AMACR: variants seen among roughly 807,000 people sequenced by gnomAD.
AMACR encodes 2-methylacyl-CoA racemase.
A neutral mutation model predicts 22.2 loss-of-function variants in AMACR; 18 were observed. The observed-to-expected ratio is 0.81, with a 90% CI of 0.56 to 1.20. The LOEUF is 1.20. Ranked by LOEUF, AMACR falls within the 50% of genes most tolerant of loss-of-function variation. AMACR has a pLI of 0.00. For missense variants in AMACR, 499 were observed against 490.6 expected (o/e 1.02, Z -0.16); for synonymous variants, 213 against 191.3 (o/e 1.11, Z -0.94).
At chr5:33,996,357 C>T (rs1313876658) in intron 4 of AMACR, among the ~76,000 whole-genome samples, 1 of 152,120 alleles carries the variant, frequency 6.6e-6, no homozygotes. Flanking sequence ...CACGTACACA[C>T]GCAGGGCAGT....
intron 4 of AMACR, among the ~76,000 whole-genome samples, chr5:33,994,394 GTCTTGAACTC>G (rs1753575792): frequency 6.6e-6 from 1 of 152,032 alleles, no homozygotes. Flanking sequence ...GCCCAGGCTG[GTCTTGAACTC>G]TTGACCTCAA....
chr5:33,989,337 T>C lies in AMACR; in HGVS notation c.905A>G (p.Glu302Gly). The C allele has an allele frequency of 1.2e-6, 2 of 1,614,152 alleles. No homozygotes were observed. Among genetic ancestry groups the C allele is most frequent in the South Asian group, 2.2e-5 (2 of 91,076 alleles). The change falls in exon 5 of 5, where the codon GAG becomes GGG. Residue 302 changes from glutamate to glycine, a missense_variant. Coordinates refer to ENST00000335606, the MANE Select transcript of AMACR (RefSeq NM_014324.6). The stretch of plus-strand genomic sequence containing the variant: ...CTTGTTGTGATCATGATGAACAACC[T>C]CCTCAAAAGTCAGAACCGGAGTCAC... ...ACVTPVLTFE[E>G]VVHHDHNKER...
intron 3 of AMACR, among the ~76,000 whole-genome samples, chr5:34,004,074 G>A (rs772080385): frequency 2.0e-4 from 31 of 152,234 alleles, no homozygotes; most frequent in Non-Finnish European, 3.8e-4. Context: ...TGAACAAACA[G>A]AAGTGTTATG....
chr5:33,999,016 C>G (rs955298407), intron 3 of AMACR, among the ~76,000 whole-genome samples, 189 bp from the exon 4 acceptor site: 2 of 152,180 alleles, frequency 1.3e-5, no homozygotes, highest in Non-Finnish European at 2.9e-5. Flanking sequence ...GTTAAAATAA[C>G]AATTGGCTGC....
intron 4 of AMACR, 130 bp downstream of exon 4, chr5:33,998,511 G>A: frequency 1.1e-6 from 1 of 871,524 alleles, no homozygotes; most frequent in Non-Finnish European, 1.7e-6. Flanking sequence ...TATATTGATG[G>A]CTATAATTAG....
Position 34,004,583 on chromosome 5 carries a change from A to T in AMACR, c.543T>A (p.Asp181Glu). 1 of 1,614,138 alleles carries T rather than the reference A, an allele frequency of 6.2e-7. No individual in the cohort carries two copies. The highest frequency in any genetic ancestry group is 1.1e-5 in the South Asian group (1 of 91,080). The stretch of plus-strand genomic sequence containing the variant: ...CCCAATTAATACTTACCATATTTGC[A>T]TCAATGACCTGACCCTTGCCAGTGC... ...RTRTGKGQVI[D>E]ANMVEGTAYL... Residue 181 changes from aspartate to glutamate, a missense_variant, in exon 3 of 5, where the codon GAT becomes GAA. Coordinates refer to ENST00000335606, the MANE Select transcript of AMACR (RefSeq NM_014324.6).
chr5:33,993,134 A>G (rs969835143), intron 4 of AMACR, among the ~76,000 whole-genome samples: 2 of 152,202 alleles, frequency 1.3e-5, no homozygotes, highest in Non-Finnish European at 2.9e-5. Context: ...GTCTCTATGA[A>G]CTTGACCACT....
At chr5:34,005,377 A>G (rs1466302268) in intron 2 of AMACR, among the ~76,000 whole-genome samples, 2 of 152,118 alleles carry the variant, frequency 1.3e-5, no homozygotes, top group Non-Finnish European at 2.9e-5. Context: ...GTGGGTGGAG[A>G]TTTCGGGGTC....
chr5:33,988,481 C>T lies in AMACR; in HGVS notation c.*612G>A, dbSNP rs558958622. The T allele has an allele frequency of 1.1e-5, 16 of 1,464,238 alleles. No individual in the cohort carries two copies. The East Asian group carries it at 2.0e-4, about 18-fold the overall frequency. 90.7% of individuals were successfully genotyped at this position (1,464,238 alleles called of 1,614,324 possible). ...AAACTGACTGTCCCTCTGGACTCTA[C>T]GTAGTGAGCCAACACATTTCCTCAT... On this transcript the variant is annotated 3_prime_UTR_variant, in exon 5 of 5. Transcript: ENST00000335606.
chr5:33,989,367 GC>G lies in AMACR; in HGVS notation c.874del (p.Ala292ProfsTer3). The G allele has an allele frequency of 6.2e-7, 1 of 1,614,172 alleles. No homozygotes were observed. Among genetic ancestry groups the G allele is most frequent in the South Asian group, 1.1e-5 (1 of 91,082 alleles). On this transcript the variant is annotated frameshift_variant, in exon 5 of 5. Transcript: ENST00000335606. LOFTEE classifies it low-confidence loss of function (END_TRUNC). ...AAAAGTCAGAACCGGAGTCACACAG[GC>G]ATCTGTGCCGTCAAAGATTTGACAC... ...EWCQIFDGTD[A>X]CVTPVLTFEE... is the part of the protein sequence containing the mutation.
intron 1 of AMACR, 68 bp downstream of exon 1, chr5:34,007,705 G>T (rs1754028587): frequency 6.8e-7 from 1 of 1,463,110 alleles, no homozygotes; most frequent in South Asian, 1.4e-5. Context: ...GTGCAGCCTC[G>T]ATCGAACGGC....
chr5:33,998,323 T>C (rs1753704700), intron 4 of AMACR, among the ~76,000 whole-genome samples: 1 of 152,176 alleles, frequency 6.6e-6, no homozygotes, highest in African/African-American at 2.4e-5. Context: ...TGTGAGATCA[T>C]TTCTAGGGAA....
chr5:33,991,136 T>C (rs1054050969), intron 4 of AMACR, among the ~76,000 whole-genome samples: 3 of 152,362 alleles, frequency 2.0e-5, no homozygotes, highest in Admixed American at 6.5e-5. Context: ...AGCCAATGTG[T>C]TCTCTCTTTA....
intron 4 of AMACR, 137 bp from the exon 5 acceptor site, chr5:33,989,639 A>C (rs553108720): frequency 2.7e-6 from 2 of 749,672 alleles, no homozygotes; most frequent in East Asian, 5.4e-5. Flanking sequence ...CAAGAGAAAA[A>C]AATGTAAAAT....
At chr5:33,998,225 T>C (rs1158296452) in intron 4 of AMACR, among the ~76,000 whole-genome samples, 3 of 152,228 alleles carry the variant, frequency 2.0e-5, no homozygotes, top group African/African-American at 4.8e-5. Context: ...AATCTTTCCA[T>C]GCTCTGGTGA....
At chr5:33,990,572 C>T (rs2112035749) in intron 4 of AMACR, among the ~76,000 whole-genome samples, 1 of 152,280 alleles carries the variant, frequency 6.6e-6, no homozygotes, top group Admixed American at 6.5e-5. Flanking sequence ...TTTTCTTCCC[C>T]ATATAAGCGG....
At chr5:33,990,813 A>G (rs1032166510) in intron 4 of AMACR, among the ~76,000 whole-genome samples, 5 of 152,238 alleles carry the variant, frequency 3.3e-5, no homozygotes, top group African/African-American at 1.2e-4. Context: ...GGTTTTGAGG[A>G]CTATGAGGAA....
At position 33,987,376 on chromosome 5, in the gene AMACR, G is replaced by A. The variant is rs1417741344; in HGVS notation, c.*1717C>T. 1.3e-5 allele frequency: 2 copies of A among 152,218 alleles called. No individual in the cohort carries two copies. The highest frequency in any genetic ancestry group is 4.8e-5 in the African/African-American group (2 of 41,466). The allele number at this position is 152,218 out of a possible 1,614,324, so 9.4% of individuals were successfully genotyped here. The stretch of plus-strand genomic sequence containing the variant: ...TAAATTCTGATTCTGCCCCTTCCTA[G>A]TTGCATATTCCTGAGCAAATATTTT... On this transcript the variant is annotated 3_prime_UTR_variant, in exon 5 of 5. Coordinates refer to ENST00000335606, the MANE Select transcript of AMACR (RefSeq NM_014324.6).
In AMACR at chr5:33,989,099, A is replaced by T. The variant is rs763893617; in HGVS notation, c.1143T>A (p.Ser381Arg). 2.5e-6 allele frequency: 4 copies of T among 1,614,188 alleles called. No individual in the cohort carries two copies. The South Asian group carries it at 4.4e-5, about 18-fold the overall frequency. The change falls in exon 5 of 5, where the codon AGT (serine) becomes AGA (arginine). Residue 381 changes from serine (S) to arginine (R), a missense_variant. Transcript: ENST00000335606. The stretch of plus-strand genomic sequence containing the variant: ...TGAGCCGTGGGCCTGGAAGTTAGAG[A>T]CTAGCTTTTACCTTATTACTTTCAA... ...KIIESNKVKA[S>R]L
Sources: allele counts gnomAD v4.1 joint callset (sites outside exome capture counted in the v4.1 genomes callset), GRCh38; gene constraint gnomAD v4.1.1; transcripts MANE v1.5; gene names NCBI Gene and HGNC (gene_info 2026-07-23, HGNC 2026-07-21).